Variants in LRRC7 observed in about 807,000 individuals in gnomAD.
LRRC7 encodes leucine rich repeat containing 7.
A neutral mutation model predicts 175.7 loss-of-function variants in LRRC7; 23 were observed. That is an observed-to-expected ratio of 0.13 (90% CI 0.09 to 0.19). The LOEUF (loss-of-function observed/expected upper bound fraction) is 0.19. Among genes scored for constraint, LRRC7 ranks in the 10% least tolerant of loss-of-function variants. The pLI, the probability that LRRC7 is intolerant of heterozygous loss-of-function variation, is 1.00. For synonymous variants in LRRC7, 685 were observed against 680.9 expected (o/e 1.01, Z -0.09); for missense variants, 1,354 against 1,904.7 (o/e 0.71, Z 5.38).
At chr1:69,632,103 C>T (rs1557515866) in intron 1 of LRRC7, among the ~76,000 whole-genome samples, 1 of 152,242 alleles carries the variant, frequency 6.6e-6, no homozygotes, top group East Asian at 1.9e-4. Flanking sequence ...AAAATGTCTT[C>T]TCTATAACCT....
intron 2 of LRRC7, among the ~76,000 whole-genome samples, chr1:69,683,996 A>G (rs78373028): frequency 6.6e-5 from 10 of 152,316 alleles, no homozygotes; most frequent in Non-Finnish European, 1.0e-4. Flanking sequence ...AAAATTATAA[A>G]TTGTCATAAA....
chr1:69,576,227 GAAA>G lies in LRRC7; in HGVS notation c.2+7596_2+7598del, dbSNP rs59481658. Among the ~76,000 whole-genome samples the G allele has an allele frequency of 1.6e-3, 241 of 146,274 alleles. 3 individuals are homozygous for G. Among genetic ancestry groups the G allele is most frequent in the Admixed American group, 2.9e-3 (43 of 14,680 alleles). ...AGGCTGGGTGACAGAGTGACACTCT[GAAA>G]AAAAAAAAAGTTACTTTGGAAGGTC... is the stretch of plus-strand genomic sequence containing the variant. On this transcript the variant is annotated intron_variant, in intron 1 of 26. Coordinates refer to ENST00000651989, the MANE Select transcript of LRRC7 (RefSeq NM_001370785.2).
At chr1:69,761,558 A>G (rs1208892970) in intron 3 of LRRC7, among the ~76,000 whole-genome samples, 1 of 151,996 alleles carries the variant, frequency 6.6e-6, no homozygotes, top group African/African-American at 2.4e-5. Context: ...GTATTGTGTC[A>G]TCTGGGATAT....
At chr1:69,928,248 G>A (rs1195976017) in intron 7 of LRRC7, among the ~76,000 whole-genome samples, 5 of 152,318 alleles carry the variant, frequency 3.3e-5, no homozygotes, top group Middle Eastern at 3.4e-3. Flanking sequence ...CTGCTCGGGG[G>A]TCAGGAGTCA....
At chr1:69,759,603 T>TA (rs1291862848) in intron 2 of LRRC7, among the ~76,000 whole-genome samples, 1 of 152,018 alleles carries the variant, frequency 6.6e-6, no homozygotes, top group East Asian at 1.9e-4. Context: ...TTCAACGGAA[T>TA]AAAAACTCCA....
intron 1 of LRRC7, among the ~76,000 whole-genome samples, chr1:69,580,511 A>C (rs552226445): frequency 2.0e-5 from 3 of 152,286 alleles, no homozygotes; most frequent in African/African-American, 7.2e-5. Flanking sequence ...GTTCTTGCAC[A>C]ACTCAGGAAT....
At chr1:69,843,068 A>G (rs1482743020) in intron 7 of LRRC7, among the ~76,000 whole-genome samples, 1 of 151,950 alleles carries the variant, frequency 6.6e-6, no homozygotes, top group Non-Finnish European at 1.5e-5. Context: ...GCATGGTGGC[A>G]TACACCTGTA....
chr1:70,083,449 A>C (rs1008711715), intron 24 of LRRC7, among the ~76,000 whole-genome samples: 1 of 152,140 alleles, frequency 6.6e-6, no homozygotes, highest in Non-Finnish European at 1.5e-5. Context: ...CAGTAACTTT[A>C]ATTTCAAGCT....
intron 15 of LRRC7, among the ~76,000 whole-genome samples, chr1:70,019,883 A>C (rs1208247323): frequency 6.6e-6 from 1 of 151,994 alleles, no homozygotes; most frequent in Non-Finnish European, 1.5e-5. Context: ...TTTCATTTTA[A>C]TAGCTCTACA....
chr1:69,877,593 A>T (rs1462088787), intron 7 of LRRC7, among the ~76,000 whole-genome samples: 1 of 152,170 alleles, frequency 6.6e-6, no homozygotes, highest in Non-Finnish European at 1.5e-5. Flanking sequence ...TTATCACCAC[A>T]ATTTAATTTT....
chr1:69,760,882 C>A (rs941168912), intron 3 of LRRC7, among the ~76,000 whole-genome samples: 3 of 151,856 alleles, frequency 2.0e-5, no homozygotes, highest in African/African-American at 7.3e-5. Flanking sequence ...TTGATTATTA[C>A]AAGTAGCACT....
Position 70,126,761 on chromosome 1 carries a change from A to G in LRRC7, c.*4874A>G, listed in dbSNP as rs998250070. Among the ~76,000 whole-genome samples, 7 of 152,130 alleles carry G rather than the reference A, an allele frequency of 4.6e-5. No homozygotes were observed. Among genetic ancestry groups the G allele is most frequent in the East Asian group, 3.9e-4 (2 of 5,194 alleles). ...TTGATCTAAACTGTTCAGGAAATCT[A>G]TTTTCCAAGATGCACCACTTGTACA... is the stretch of plus-strand genomic sequence containing the variant. On this transcript the variant is annotated 3_prime_UTR_variant, in exon 27 of 27. Coordinates refer to ENST00000651989, the MANE Select transcript of LRRC7 (RefSeq NM_001370785.2).
chr1:70,131,033 A>G lies in LRRC7; in HGVS notation c.*9146A>G, dbSNP rs1311408220. Among the ~76,000 whole-genome samples the G allele has an allele frequency of 6.6e-6, 1 of 152,200 alleles. No homozygotes were observed. Among genetic ancestry groups the G allele is most frequent in the Non-Finnish European group, 1.5e-5 (1 of 68,024 alleles). ...CCCACCCCCTATATCCCTAAAGTGA[A>G]GATGTCATATAGTTCAGCCAAAATT... is the stretch of plus-strand genomic sequence containing the variant. On this transcript the variant is annotated 3_prime_UTR_variant, in exon 27 of 27. Coordinates refer to ENST00000651989, the MANE Select transcript of LRRC7 (RefSeq NM_001370785.2).
At chr1:69,990,337 A>G (rs1654318043) in intron 10 of LRRC7, among the ~76,000 whole-genome samples, 1 of 152,080 alleles carries the variant, frequency 6.6e-6, no homozygotes. Flanking sequence ...AGTAGAGAGA[A>G]GGAATAGGAT....
intron 2 of LRRC7, 51 bp from the exon 3 acceptor site, chr1:69,760,140 A>C (rs1278021139): frequency 6.3e-7 from 1 of 1,583,276 alleles, no homozygotes; most frequent in Non-Finnish European, 8.6e-7. Context: ...AATGCCTTCC[A>C]AGGGCACTGG....
intron 1 of LRRC7, among the ~76,000 whole-genome samples, chr1:69,632,626 G>T (rs193113594): frequency 2.4e-4 from 37 of 151,998 alleles, no homozygotes; most frequent in Non-Finnish European, 4.6e-4. Flanking sequence ...CCCCACTGTG[G>T]TTATTTGTTG....
chr1:70,011,127 T>C (rs1009527056), intron 11 of LRRC7, among the ~76,000 whole-genome samples: 1 of 152,184 alleles, frequency 6.6e-6, no homozygotes, highest in Admixed American at 6.6e-5. Context: ...AAAACACATC[T>C]GCAGGCTGAA....
chr1:69,729,098 C>T (rs774079118), intron 2 of LRRC7, among the ~76,000 whole-genome samples: 1 of 152,140 alleles, frequency 6.6e-6, no homozygotes. Flanking sequence ...ACAAGAGCAG[C>T]ACAAGGGGGT....
chr1:69,573,824 A>G (rs1645834189), intron 1 of LRRC7, among the ~76,000 whole-genome samples: 1 of 152,202 alleles, frequency 6.6e-6, no homozygotes, highest in Non-Finnish European at 1.5e-5. Context: ...AATACACGTG[A>G]AAGAAATAGT....
Sources: gnomAD v4.1 joint callset for allele counts (sites outside exome capture counted in the v4.1 genomes callset) on GRCh38, gnomAD v4.1.1 for gene constraint, MANE v1.5 for transcripts, NCBI Gene and HGNC (gene_info 2026-07-23, HGNC 2026-07-21) for gene names.